SAMD12: variants seen among roughly 807,000 people sequenced by gnomAD.
SAMD12 encodes sterile alpha motif domain-containing protein 12.
A neutral mutation model predicts 15.0 loss-of-function variants in SAMD12; 9 were observed. The observed-to-expected ratio is 0.60, with a 90% CI of 0.36 to 1.05. The LOEUF (loss-of-function observed/expected upper bound fraction) is 1.05, where lower values mean the gene tolerates loss of function less well. Among genes scored for constraint, SAMD12 ranks in the 50% least tolerant of loss-of-function variants. SAMD12 has a pLI of 0.01. For missense variants in SAMD12, 230 were observed against 234.2 expected, an observed-to-expected ratio of 0.98 and a Z score of 0.12; for synonymous variants, 86 against 90.1, an observed-to-expected ratio of 0.96 and a Z score of 0.25.
intron 4 of SAMD12, among the ~76,000 whole-genome samples, chr8:118,308,354 T>C (rs1362746434): frequency 6.6e-6 from 1 of 152,194 alleles, no homozygotes. Flanking sequence ...ACTTACTGTA[T>C]GAGCACTTAT....
chr8:118,508,028 C>G (rs1824970845), intron 2 of SAMD12, among the ~76,000 whole-genome samples: 1 of 127,598 alleles, frequency 7.8e-6, no homozygotes, highest in Admixed American at 9.4e-5. Context: ...GGGTCTCGCT[C>G]TGTCAACCAT....
At chr8:118,466,886 G>A (rs535649138) in intron 2 of SAMD12, among the ~76,000 whole-genome samples, 3 of 152,210 alleles carry the variant, frequency 2.0e-5, no homozygotes, top group Admixed American at 2.0e-4. Context: ...AATCTTAAAG[G>A]AAATTAACCA....
intron 4 of SAMD12, among the ~76,000 whole-genome samples, chr8:118,263,396 G>A (rs1207607817): frequency 6.6e-6 from 1 of 152,008 alleles, no homozygotes; most frequent in East Asian, 1.9e-4. Context: ...TTAGGGGTCT[G>A]GCATTGTTTT....
At chr8:118,431,408 C>G (rs766640023) in intron 3 of SAMD12, among the ~76,000 whole-genome samples, 6 of 152,162 alleles carry the variant, frequency 3.9e-5, no homozygotes, top group Non-Finnish European at 8.8e-5. Flanking sequence ...TTTATCACTA[C>G]TTGCAGGGCA....
At chr8:118,249,400 G>A (rs1449046653) in intron 4 of SAMD12, among the ~76,000 whole-genome samples, 1 of 151,974 alleles carries the variant, frequency 6.6e-6, no homozygotes, top group Non-Finnish European at 1.5e-5. Flanking sequence ...TCATTCATGT[G>A]GATTCAACCT....
chr8:118,432,309 T>TTTG (rs1554662159), intron 3 of SAMD12, among the ~76,000 whole-genome samples: 1 of 151,920 alleles, frequency 6.6e-6, no homozygotes, highest in Non-Finnish European at 1.5e-5. Context: ...TTGTAATTTT[T>TTTG]TGTGTGTGTC....
chr8:118,416,057 G>T (rs1821671954), intron 3 of SAMD12, among the ~76,000 whole-genome samples: 1 of 152,042 alleles, frequency 6.6e-6, no homozygotes. Context: ...AGACATCAGT[G>T]CTCAGTGTTA....
intron 2 of SAMD12, among the ~76,000 whole-genome samples, chr8:118,558,782 C>A (rs960552149): frequency 2.0e-5 from 3 of 152,154 alleles, no homozygotes; most frequent in Admixed American, 1.3e-4. Context: ...TGATCTCGAT[C>A]TCCTGACCTC....
At chr8:118,211,705 A>G (rs1554612913) in intron 4 of SAMD12, among the ~76,000 whole-genome samples, 1 of 151,234 alleles carries the variant, frequency 6.6e-6, no homozygotes, top group Non-Finnish European at 1.5e-5. Context: ...TTAATTTTCT[A>G]TTCTTCTGAA....
chr8:118,198,500 T>C (rs1819627421), intron 4 of SAMD12, among the ~76,000 whole-genome samples: 1 of 152,190 alleles, frequency 6.6e-6, no homozygotes, highest in African/African-American at 2.4e-5. Flanking sequence ...AATATCAGTA[T>C]TAGTTTCTAA....
At chr8:118,385,700 G>A (rs1332449704) in intron 3 of SAMD12, among the ~76,000 whole-genome samples, 1 of 152,176 alleles carries the variant, frequency 6.6e-6, no homozygotes, top group African/African-American at 2.4e-5. Flanking sequence ...GGTGCTGCCT[G>A]TGTGCTGGCA....
chr8:118,318,939 T>C (rs1307787875), intron 4 of SAMD12, among the ~76,000 whole-genome samples: 1 of 151,954 alleles, frequency 6.6e-6, no homozygotes, highest in Non-Finnish European at 1.5e-5. Context: ...GGACAGTTTG[T>C]CCCCAGGTTT....
At chr8:118,188,002 C>T (rs552854246), downstream of SAMD12, among the ~76,000 whole-genome samples, 3 of 150,482 alleles carry the variant, frequency 2.0e-5, no homozygotes, top group Non-Finnish European at 4.4e-5. Flanking sequence ...CTGCTCTACC[C>T]TAAAAAGAAG....
At chr8:118,469,542 ATATTAT>A (rs767645428) in intron 2 of SAMD12, among the ~76,000 whole-genome samples, 1 of 4,392 alleles carries the variant, frequency 2.3e-4, no homozygotes, top group African/African-American at 1.5e-3. Context: ...TATATATATT[ATATTAT>A]TATATATAAT....
intron 2 of SAMD12, among the ~76,000 whole-genome samples, chr8:118,571,602 G>C (rs1827012502): frequency 6.6e-6 from 1 of 152,206 alleles, no homozygotes; most frequent in Admixed American, 6.5e-5. Context: ...TAGGGACTTG[G>C]TGCCCAGCTG....
At chr8:118,535,675 C>T (rs111854813) in intron 2 of SAMD12, among the ~76,000 whole-genome samples, 7,858 of 152,294 alleles carry the variant, frequency 0.052, 655 homozygotes, top group African/African-American at 0.17. Flanking sequence ...GCCATGCTGC[C>T]GCCTTGCACT....
intron 4 of SAMD12, among the ~76,000 whole-genome samples, chr8:118,260,956 A>G (rs1209296829): frequency 6.6e-6 from 1 of 152,120 alleles, no homozygotes; most frequent in African/African-American, 2.4e-5. Context: ...TATAGAATTA[A>G]ATTGAGCCTT....
At chr8:118,346,185 A>G (rs1325868669) in intron 4 of SAMD12, among the ~76,000 whole-genome samples, 1 of 152,204 alleles carries the variant, frequency 6.6e-6, no homozygotes. Flanking sequence ...ATAAAACTAT[A>G]TAAATTATAT....
At chr8:118,368,057 A>C (rs529898975) in intron 4 of SAMD12, among the ~76,000 whole-genome samples, 1 of 152,308 alleles carries the variant, frequency 6.6e-6, no homozygotes, top group East Asian at 1.9e-4. Flanking sequence ...CCCTCAAAAA[A>C]CATGTCTTTT....
Sources: gnomAD v4.1 joint callset for allele counts (sites outside exome capture counted in the v4.1 genomes callset) on GRCh38, gnomAD v4.1.1 for gene constraint, MANE v1.5 for transcripts, NCBI Gene and HGNC (gene_info 2026-07-23, HGNC 2026-07-21) for gene names.